ARHGAP26: variants seen among roughly 807,000 people sequenced by gnomAD.
ARHGAP26 encodes Rho GTPase activating protein 26, also known as rho GTPase-activating protein 26.
ARHGAP26 carries 38 observed loss-of-function variants against 104.8 expected under a neutral mutation model. The ratio of observed to expected loss-of-function variants is 0.36; its 90% confidence interval spans 0.28 to 0.48. The LOEUF is 0.48. ARHGAP26 is among the 20% of genes least tolerant of loss of function. The probability of loss-of-function intolerance (pLI) is 0.99; values close to 1 mark genes in which losing one functional copy is unlikely to be tolerated. For missense variants in ARHGAP26, 704 were observed against 947.9 expected (o/e 0.74, Z 3.38); for synonymous variants, 341 against 340.0 (o/e 1.00, Z -0.03).
At chr5:142,964,874 G>A (rs1052702749) in intron 11 of ARHGAP26, among the ~76,000 whole-genome samples, 13 of 152,180 alleles carry the variant, frequency 8.5e-5, no homozygotes, top group Admixed American at 8.5e-4. Context: ...AAAGACAGCT[G>A]GGCCCGGGGG....
intron 17 of ARHGAP26, among the ~76,000 whole-genome samples, chr5:143,102,485 G>A (rs1793391206): frequency 6.6e-6 from 1 of 152,204 alleles, no homozygotes; most frequent in Non-Finnish European, 1.5e-5. Context: ...AACTCAGAAT[G>A]CTGATCCTCA....
At chr5:143,024,880 T>C (rs1780829500) in intron 12 of ARHGAP26, among the ~76,000 whole-genome samples, 1 of 152,172 alleles carries the variant, frequency 6.6e-6, no homozygotes, top group South Asian at 2.1e-4. Flanking sequence ...CACACGTGGT[T>C]TGAAATCCCA....
At chr5:142,812,906 A>G (rs1764378430) in intron 1 of ARHGAP26, among the ~76,000 whole-genome samples, 1 of 151,074 alleles carries the variant, frequency 6.6e-6, no homozygotes. Flanking sequence ...ACTGCATGTT[A>G]ATTCTATATA....
chr5:143,012,570 T>TATACAC (rs1779017168), intron 11 of ARHGAP26, among the ~76,000 whole-genome samples: 1 of 87,418 alleles, frequency 1.1e-5, no homozygotes, highest in Non-Finnish European at 2.7e-5. Flanking sequence ...TATATATATA[T>TATACAC]ATATATTATG....
intron 19 of ARHGAP26, among the ~76,000 whole-genome samples, chr5:143,136,345 G>T (rs960005251): frequency 6.6e-6 from 1 of 152,192 alleles, no homozygotes; most frequent in Admixed American, 6.5e-5. Context: ...GTAGACAGGG[G>T]ATGCAAAAGG....
At position 142,887,298 on chromosome 5, in the gene ARHGAP26, C is replaced by G. The variant is rs1167480439; in HGVS notation, c.486+1899C>G. On this transcript the variant is annotated intron_variant, in intron 5 of 22. Coordinates refer to ENST00000645722, the MANE Select transcript of ARHGAP26 (RefSeq NM_001135608.3). ...AGGATACCTTGCCTCAAAACCTTCT[C>G]TGCTGTGTATTTACTCTGTGACCTA... Among the ~76,000 whole-genome samples the G allele has an allele frequency of 2.0e-5, 3 of 152,092 alleles. No homozygotes were observed. In the East Asian group the frequency reaches 5.8e-4, roughly 29 times the overall value.
At chr5:143,218,836 G>A (rs1294067923) in intron 22 of ARHGAP26, among the ~76,000 whole-genome samples, 1 of 152,230 alleles carries the variant, frequency 6.6e-6, no homozygotes, top group Non-Finnish European at 1.5e-5. Context: ...AACAGCAGTA[G>A]TAGTTAAGGT....
chr5:142,872,070 A>G (rs923327154), intron 1 of ARHGAP26, among the ~76,000 whole-genome samples: 1 of 152,062 alleles, frequency 6.6e-6, no homozygotes, highest in African/African-American at 2.4e-5. Flanking sequence ...CAGCTCTTCC[A>G]CTAGCAGCCA....
intron 20 of ARHGAP26, among the ~76,000 whole-genome samples, chr5:143,177,987 C>CTTTTT (rs397705462): frequency 1.7e-5 from 1 of 58,340 alleles, no homozygotes. Flanking sequence ...TGTGGCAGTC[C>CTTTTT]TTTTTTTTTT....
At chr5:143,196,043 C>T (rs1806777628) in intron 20 of ARHGAP26, among the ~76,000 whole-genome samples, 1 of 152,018 alleles carries the variant, frequency 6.6e-6, no homozygotes, top group Non-Finnish European at 1.5e-5. Context: ...TGTTAAGGTA[C>T]TTACTGTTCA....
chr5:142,777,850 G>T (rs1322745479), intron 1 of ARHGAP26, among the ~76,000 whole-genome samples: 2 of 152,206 alleles, frequency 1.3e-5, no homozygotes, highest in Non-Finnish European at 2.9e-5. Flanking sequence ...TAGGGATCTT[G>T]AATTCTAGAA....
intron 10 of ARHGAP26, among the ~76,000 whole-genome samples, chr5:142,930,673 G>A (rs891001276): frequency 1.3e-5 from 2 of 151,446 alleles, no homozygotes; most frequent in African/African-American, 2.4e-5. Context: ...TGTCTCTCCC[G>A]ACCCACACGC....
rs747363695 is a variant in ARHGAP26 at position 142,843,302 on chromosome 5, G to T, written c.155-30098G>T. Among the ~76,000 whole-genome samples the T allele has an allele frequency of 2.0e-5, 3 of 152,202 alleles. No homozygotes were observed. The East Asian group carries it at 5.8e-4, about 29-fold the overall frequency. ...GCAAAGAGTGTGATCACTCCTGGGA[G>T]CCAAATTGAGGCCTGTGTCTTTCTG... is the stretch of plus-strand genomic sequence containing the variant. On this transcript the variant is annotated intron_variant, in intron 1 of 22. Coordinates refer to ENST00000645722, the MANE Select transcript of ARHGAP26 (RefSeq NM_001135608.3).
chr5:142,907,039 C>T lies in ARHGAP26; in HGVS notation c.833-665C>T, dbSNP rs187034212. Among the ~76,000 whole-genome samples, 9 of 152,264 alleles carry T rather than the reference C, an allele frequency of 5.9e-5. No homozygotes were observed. The East Asian group carries it at 1.3e-3, about 23-fold the overall frequency. ...TAAAATCAGAGACTTGGCCAGAATA[C>T]GACTGCATGGCACCTCCCTCTTGAG... On this transcript the variant is annotated intron_variant, in intron 8 of 22. Coordinates refer to ENST00000645722, the MANE Select transcript of ARHGAP26 (RefSeq NM_001135608.3).
chr5:143,173,455 G>A (rs973386504), intron 20 of ARHGAP26, among the ~76,000 whole-genome samples: 3 of 152,188 alleles, frequency 2.0e-5, no homozygotes, highest in East Asian at 1.9e-4. Context: ...TTCAAGAGAC[G>A]TATTTTTAGG....
intron 22 of ARHGAP26, 102 bp downstream of exon 22, chr5:143,214,190 A>C (rs769034163): frequency 2.6e-6 from 2 of 761,108 alleles, no homozygotes; most frequent in Non-Finnish European, 2.2e-6. Context: ...GGAAAATCTC[A>C]ATACAATGGG....
chr5:142,953,236 T>C (rs1768676137), intron 11 of ARHGAP26, among the ~76,000 whole-genome samples: 2 of 152,180 alleles, frequency 1.3e-5, no homozygotes, highest in Admixed American at 6.5e-5. Context: ...GCCTCTGAAA[T>C]TTAATTCAGT....
intron 1 of ARHGAP26, among the ~76,000 whole-genome samples, chr5:142,815,076 C>T (rs906874865): frequency 1.3e-5 from 2 of 152,238 alleles, no homozygotes; most frequent in Non-Finnish European, 2.9e-5. Context: ...TCTCGGCTCA[C>T]TGCAACCTCT....
At chr5:143,077,250 A>G (rs1414956245) in intron 17 of ARHGAP26, among the ~76,000 whole-genome samples, 1 of 152,226 alleles carries the variant, frequency 6.6e-6, no homozygotes, top group South Asian at 2.1e-4. Context: ...GCTAAGCTAC[A>G]GGTCTTGGAG....
Sources: gnomAD v4.1 joint callset for allele counts (sites outside exome capture counted in the v4.1 genomes callset) on GRCh38, gnomAD v4.1.1 for gene constraint, MANE v1.5 for transcripts, NCBI Gene and HGNC (gene_info 2026-07-23, HGNC 2026-07-21) for gene names.